Variants in AVL9 observed in about 807,000 individuals in gnomAD.
The protein encoded by AVL9 is late secretory pathway protein AVL9 homolog.
A neutral mutation model predicts 79.2 loss-of-function variants in AVL9; 49 were observed. The ratio of observed to expected loss-of-function variants is 0.62; its 90% confidence interval spans 0.49 to 0.79. The LOEUF is 0.79. Among genes scored for constraint, AVL9 ranks in the 30% least tolerant of loss-of-function variants. AVL9 has a pLI of 0.00. For missense variants in AVL9, 682 were observed against 776.8 expected, an observed-to-expected ratio of 0.88 and a Z score of 1.45; for synonymous variants, 299 against 280.6, an observed-to-expected ratio of 1.07 and a Z score of -0.65.
intron 4 of AVL9, among the ~76,000 whole-genome samples, chr7:32,550,177 A>G (rs1398453213): frequency 6.6e-6 from 1 of 152,220 alleles, no homozygotes; most frequent in Non-Finnish European, 1.5e-5. Flanking sequence ...TACAATAATA[A>G]TAGATGCCAT....
At chr7:32,565,570 AAAG>A (rs1301911933) in intron 10 of AVL9, among the ~76,000 whole-genome samples, 23 of 151,056 alleles carry the variant, frequency 1.5e-4, no homozygotes, top group South Asian at 8.3e-4. Context: ...AAAAAAAAAA[AAAG>A]AAAGAAAGAA....
chr7:32,579,388 A>T (rs1445222006), intron 13 of AVL9, among the ~76,000 whole-genome samples: 4 of 9,772 alleles, frequency 4.1e-4, no homozygotes, highest in African/African-American at 6.1e-4. Flanking sequence ...TATATAACAT[A>T]TTATATGTTA....
chr7:32,583,733 C>A, intron 15 of AVL9, 59 bp from the exon 16 acceptor site: 2 of 1,070,932 alleles, frequency 1.9e-6, no homozygotes, highest in Non-Finnish European at 2.8e-6. Context: ...GTTGGTCTTT[C>A]ACTGTCTCGT....
chr7:32,495,527 G>A lies in AVL9; in HGVS notation c.-183G>A, dbSNP rs371230921. On this transcript the variant is annotated 5_prime_UTR_variant, in exon 1 of 16. Coordinates refer to ENST00000318709, the MANE Select transcript of AVL9 (RefSeq NM_015060.3). ...GCCCGGAAGCTGCGGAAGCGGATGA[G>A]GGAAGGGCGGCCGTGGCCCTGGGGG... The A allele has an allele frequency of 2.1e-4, 83 of 402,112 alleles. No homozygotes were observed. The highest frequency in any genetic ancestry group is 8.9e-5 in the Admixed American group (2 of 22,514). The allele number at this position is 402,112 out of a possible 1,614,324, so 24.9% of individuals were successfully genotyped here.
chr7:32,569,007 T>C (rs1174215262), intron 10 of AVL9, among the ~76,000 whole-genome samples: 3 of 152,330 alleles, frequency 2.0e-5, no homozygotes, highest in African/African-American at 7.2e-5. Flanking sequence ...ATGTTAAGTA[T>C]TTAACAACCA....
rs1477431265 is a variant in AVL9, at chr7:32,503,407, A to ACACACACAC, written c.93+7605_93+7606insCACACACAC. ...ACACACACACACACACACACACACAAATTAGCCGGGCTTGGTGGCACGTGC... is the reference window on the plus strand; with the variant it reads ...ACACACACACACACACACACACACAACACACACACATTAGCCGGGCTTGGTGGCACGTGC... On this transcript the variant is annotated intron_variant, in intron 1 of 15. Coordinates refer to ENST00000318709, the MANE Select transcript of AVL9 (RefSeq NM_015060.3). Among the ~76,000 whole-genome samples the ACACACACAC allele has an allele frequency of 2.4e-3, 145 of 60,344 alleles. 1 individual carries two copies. The highest frequency in any genetic ancestry group is 8.5e-3 in the Middle Eastern group (1 of 118). The allele number at this position is 60,344 out of a possible 152,430, so 39.6% of individuals were successfully genotyped here.
chr7:32,530,626 TAATC>T (rs1788606567), intron 1 of AVL9, among the ~76,000 whole-genome samples: 1 of 152,176 alleles, frequency 6.6e-6, no homozygotes, highest in African/African-American at 2.4e-5. Flanking sequence ...CAACCTAAAA[TAATC>T]AAAAGTCAGA....
intron 12 of AVL9, among the ~76,000 whole-genome samples, chr7:32,575,613 C>G (rs1252775117): frequency 3.9e-5 from 6 of 152,240 alleles, no homozygotes; most frequent in African/African-American, 1.4e-4. Flanking sequence ...CACTGTCAAG[C>G]ATACAGTTTT....
intron 8 of AVL9, among the ~76,000 whole-genome samples, chr7:32,557,853 CT>C (rs3079799): frequency 1.2e-4 from 9 of 73,270 alleles, no homozygotes; most frequent in South Asian, 4.2e-4. Context: ...AGCTGTTACT[CT>C]TTTTTTTTTT....
At chr7:32,577,369 C>G (rs1791150346) in intron 13 of AVL9, among the ~76,000 whole-genome samples, 1 of 152,142 alleles carries the variant, frequency 6.6e-6, no homozygotes, top group Non-Finnish European at 1.5e-5. Context: ...TAGCAGAAAC[C>G]TATATTGCCA....
intron 1 of AVL9, chr7:32,535,959 C>G (rs1487691930): frequency 3.3e-5 from 5 of 152,234 alleles, no homozygotes; most frequent in African/African-American, 1.2e-4. Flanking sequence ...CATTCCACTG[C>G]CCTGTGAAGC....
At chr7:32,577,536 T>C (rs941878859) in intron 13 of AVL9, among the ~76,000 whole-genome samples, 1 of 152,154 alleles carries the variant, frequency 6.6e-6, no homozygotes, top group African/African-American at 2.4e-5. Context: ...AGGGTGGCAC[T>C]CACAGGGTGG....
intron 4 of AVL9, among the ~76,000 whole-genome samples, chr7:32,550,351 A>G (rs1789754326): frequency 6.6e-6 from 1 of 151,894 alleles, no homozygotes; most frequent in South Asian, 2.1e-4. Context: ...ACATGTAACT[A>G]CTAAGTGATA....
At chr7:32,580,162 CT>C in intron 13 of AVL9, 56 bp from the exon 14 acceptor site, 1 of 1,377,224 alleles carries the variant, frequency 7.3e-7, no homozygotes, top group Non-Finnish European at 1.0e-6. Flanking sequence ...TGTGATAACT[CT>C]TTTTGCAGCC....
At chr7:32,570,280 T>C in intron 11 of AVL9, 126 bp downstream of exon 11, 1 of 1,285,548 alleles carries the variant, frequency 7.8e-7, no homozygotes, top group Non-Finnish European at 1.1e-6. Flanking sequence ...TGCCATGTAT[T>C]CTAAGTATTT....
intron 1 of AVL9, among the ~76,000 whole-genome samples, chr7:32,498,455 G>A (rs1440543484): frequency 6.6e-6 from 1 of 151,790 alleles, no homozygotes; most frequent in Non-Finnish European, 1.5e-5. Flanking sequence ...TCACCATGTT[G>A]GTCAGGCTGG....
At chr7:32,514,902 GT>G (rs1554334636) in intron 1 of AVL9, among the ~76,000 whole-genome samples, 1 of 152,182 alleles carries the variant, frequency 6.6e-6, no homozygotes, top group Non-Finnish European at 1.5e-5. Context: ...CACAAAGCCT[GT>G]TTGGTGGTCT....
At chr7:32,577,435 G>A (rs1313000159) in intron 13 of AVL9, among the ~76,000 whole-genome samples, 1 of 152,198 alleles carries the variant, frequency 6.6e-6, no homozygotes, top group Non-Finnish European at 1.5e-5. Context: ...AGTATTAAAT[G>A]AAAGGGCTGA....
Position 32,499,903 on chromosome 7 carries a change from A to G in AVL9, c.93+4101A>G, listed in dbSNP as rs530447614. Among the ~76,000 whole-genome samples the G allele has an allele frequency of 3.3e-5, 5 of 151,902 alleles. No homozygotes were observed. The South Asian group carries it at 1.0e-3, about 32-fold the overall frequency. ...AGAATGATGGTTTCCAGCTTCATCC[A>G]TATCTCTGCAAAGGACATGAACTCA... is the stretch of plus-strand genomic sequence containing the variant. On this transcript the variant is annotated intron_variant, in intron 1 of 15. Coordinates refer to ENST00000318709, the MANE Select transcript of AVL9 (RefSeq NM_015060.3).
Sources: allele counts gnomAD v4.1 joint callset (sites outside exome capture counted in the v4.1 genomes callset), GRCh38; gene constraint gnomAD v4.1.1; transcripts MANE v1.5; gene names NCBI Gene and HGNC (gene_info 2026-07-23, HGNC 2026-07-21).